The following DAB1 variants were observed in gnomAD, a reference collection of about 807,000 sequenced individuals.
DAB1 encodes disabled homolog 1.
A neutral mutation model predicts 64.6 loss-of-function variants in DAB1; 15 were observed. That is an observed-to-expected ratio of 0.23 (90% CI 0.16 to 0.36). The LOEUF (loss-of-function observed/expected upper bound fraction) is 0.36, where lower values mean the gene tolerates loss of function less well. DAB1 is among the 10% of genes least tolerant of loss of function. The pLI is 1.00. For synonymous variants in DAB1, 235 were observed against 251.9 expected (o/e 0.93, Z 0.64); for missense variants, 596 against 706.7 (o/e 0.84, Z 1.78).
At chr1:58,109,480 T>G (rs1458102938) in intron 5 of DAB1, among the ~76,000 whole-genome samples, 1 of 152,150 alleles carries the variant, frequency 6.6e-6, no homozygotes, top group Non-Finnish European at 1.5e-5. Flanking sequence ...CAGGAGGCTC[T>G]AGGGATCTTG....
chr1:57,499,737 A>G (rs1169169547), intron 7 of DAB1, among the ~76,000 whole-genome samples: 1 of 152,220 alleles, frequency 6.6e-6, no homozygotes, highest in Non-Finnish European at 1.5e-5. Context: ...ATTTCTCCTT[A>G]TGATTACTGG....
intron 3 of DAB1, among the ~76,000 whole-genome samples, chr1:58,460,741 G>A (rs1645236136): frequency 6.6e-6 from 1 of 152,102 alleles, no homozygotes; most frequent in Non-Finnish European, 1.5e-5. Flanking sequence ...AATGATTCAT[G>A]GGAGCTAAGG....
intron 6 of DAB1, among the ~76,000 whole-genome samples, chr1:57,774,940 C>T (rs1051773761): frequency 1.3e-5 from 2 of 151,582 alleles, no homozygotes; most frequent in African/African-American, 4.8e-5. Flanking sequence ...AATTTAATAT[C>T]TTTAGTACAT....
At chr1:57,121,195 G>A (rs199608372) in intron 4 of DAB1, among the ~76,000 whole-genome samples, 5 of 107,920 alleles carry the variant, frequency 4.6e-5, no homozygotes, top group East Asian at 6.1e-4. Context: ...AAGAGAAGAA[G>A]GAGAAGGAGA....
At chr1:57,992,289 A>G (rs1314196016) in intron 5 of DAB1, among the ~76,000 whole-genome samples, 3 of 152,126 alleles carry the variant, frequency 2.0e-5, no homozygotes, top group Middle Eastern at 3.2e-3. Flanking sequence ...GAAAACCTTT[A>G]CTTCTTCATA....
chr1:58,467,434 C>A (rs1157390126), intron 3 of DAB1, among the ~76,000 whole-genome samples: 1 of 152,206 alleles, frequency 6.6e-6, no homozygotes, highest in African/African-American at 2.4e-5. Context: ...TTCTCTTCTC[C>A]TGATTATTAA....
intron 2 of DAB1, among the ~76,000 whole-genome samples, chr1:57,190,515 A>AC (rs34376976): frequency 0.27 from 40,827 of 151,918 alleles, 7,145 homozygotes; most frequent in African/African-American, 0.48. Flanking sequence ...CTTTAAGACC[A>AC]CCTTCTTCTC....
intron 6 of DAB1, among the ~76,000 whole-genome samples, chr1:57,655,264 T>C (rs1026160932): frequency 6.6e-6 from 1 of 151,922 alleles, no homozygotes. Context: ...CATCCAACTG[T>C]CCATCCATCC....
rs191462105 is a variant in DAB1 at position 58,310,538 on chromosome 1, C to T, written n.309+32814G>A. Reference sequence around the variant, plus strand: ...TTCTCTTGATTCAACAATGCCTTTGCCTGTAGCTCCTTACAACAAATTGTA... The same window carrying T: ...TTCTCTTGATTCAACAATGCCTTTGTCTGTAGCTCCTTACAACAAATTGTA... On this transcript the variant is annotated intron_variant and non_coding_transcript_variant, in intron 4 of 20. Transcript: ENST00000485760. Among the ~76,000 whole-genome samples the T allele has an allele frequency of 1.2e-4, 18 of 152,250 alleles. 1 individual carries two copies. Among genetic ancestry groups the T allele is most frequent in the Non-Finnish European group, 1.5e-5 (1 of 68,022 alleles).
chr1:57,365,052 A>G (rs1290701989), intron 1 of DAB1, among the ~76,000 whole-genome samples: 2 of 115,426 alleles, frequency 1.7e-5, no homozygotes, highest in Non-Finnish European at 3.7e-5. Flanking sequence ...AATCATCCAC[A>G]TACGCTATCA....
chr1:57,248,136 T>G (rs1214026559), intron 2 of DAB1, among the ~76,000 whole-genome samples: 1 of 152,206 alleles, frequency 6.6e-6, no homozygotes, highest in Non-Finnish European at 1.5e-5. Context: ...CCTGTACACT[T>G]TAAATCATCT....
At chr1:57,290,082 C>A (rs971325132) in intron 2 of DAB1, among the ~76,000 whole-genome samples, 1 of 152,186 alleles carries the variant, frequency 6.6e-6, no homozygotes, top group East Asian at 1.9e-4. Context: ...AAACATCTAG[C>A]TCCAAAGGAG....
At chr1:57,378,905 T>C (rs532386408) in intron 1 of DAB1, among the ~76,000 whole-genome samples, 140 of 152,300 alleles carry the variant, frequency 9.2e-4, no homozygotes, top group African/African-American at 3.1e-3. Context: ...ACTCCAAACA[T>C]TTCCTACCTT....
intron 5 of DAB1, among the ~76,000 whole-genome samples, chr1:58,041,226 G>A (rs1647130786): frequency 6.6e-6 from 1 of 152,134 alleles, no homozygotes; most frequent in South Asian, 2.1e-4. Context: ...TCTTATGCAA[G>A]CCTGCATATT....
rs1319895787 is a variant in DAB1 at position 56,996,361 on chromosome 1, A to C, written c.*1783T>G. On this transcript the variant is annotated 3_prime_UTR_variant, in exon 15 of 15. Coordinates refer to ENST00000371236, the MANE Select transcript of DAB1 (RefSeq NM_001365792.1). ...AACACTTTCAACATACTGTAACTGC[A>C]TAGGAACATCAGGAAAACACACTTG... The C allele has an allele frequency of 6.6e-6, 1 of 152,226 alleles. No homozygotes were observed. The highest frequency in any genetic ancestry group is 1.5e-5 in the Non-Finnish European group (1 of 68,044). The allele number at this position is 152,226 out of a possible 1,614,324, so 9.4% of individuals were successfully genotyped here.
rs114948585 is a variant in DAB1, at chr1:58,316,118, A to G, written n.309+27234T>C. 6.1e-3 allele frequency among the ~76,000 whole-genome samples: 931 copies of G among 152,314 alleles called. 10 individuals carry two copies. The highest frequency in any genetic ancestry group is 0.022 in the African/African-American group (897 of 41,566). Reference sequence around the variant, plus strand: ...CCTTATCTCTAACATGAAGATAGTAATTCTTACTCCCCTGTGCTACAAATT... The same window carrying G: ...CCTTATCTCTAACATGAAGATAGTAGTTCTTACTCCCCTGTGCTACAAATT... On this transcript the variant is annotated intron_variant and non_coding_transcript_variant, in intron 4 of 20. Coordinates refer to the DAB1 transcript ENST00000485760.
At chr1:58,106,081 TTTCC>T (rs3053675) in intron 5 of DAB1, among the ~76,000 whole-genome samples, 26,044 of 150,606 alleles carry the variant, frequency 0.17, 2,934 homozygotes, top group East Asian at 0.43. Flanking sequence ...TGTTTTTTGT[TTTCC>T]TTCCTTCCTT....
At chr1:57,657,885 G>A (rs1646336927) in intron 6 of DAB1, among the ~76,000 whole-genome samples, 1 of 152,190 alleles carries the variant, frequency 6.6e-6, no homozygotes, top group African/African-American at 2.4e-5. Context: ...AAAGACAGCA[G>A]ATGAATATAA....
At position 57,911,528 on chromosome 1, in the gene DAB1, C is replaced by A. The variant is rs1644644258; in HGVS notation, n.388-27366G>T. On this transcript the variant is annotated intron_variant and non_coding_transcript_variant, in intron 5 of 20. Coordinates refer to the DAB1 transcript ENST00000485760. ...CTCAGGCCTCTTCCTTGATCCCAGG[C>A]CCAGAGCTTACCAGCCACTCCCAAT... Among the ~76,000 whole-genome samples the A allele has an allele frequency of 2.0e-5, 3 of 152,122 alleles. No individual in the cohort carries two copies. The South Asian group carries it at 6.2e-4, about 32-fold the overall frequency.
Sources: gnomAD v4.1 joint callset for allele counts (sites outside exome capture counted in the v4.1 genomes callset) on GRCh38, gnomAD v4.1.1 for gene constraint, MANE v1.5 for transcripts, NCBI Gene and HGNC (gene_info 2026-07-23, HGNC 2026-07-21) for gene names.